The following XYLB variants were observed in gnomAD, a reference collection of about 807,000 sequenced individuals.
XYLB encodes xylulokinase, also known as xylulose kinase.
In XYLB, 62 loss-of-function variants were observed where a neutral mutation model predicts 78.7. That is an observed-to-expected ratio of 0.79 (90% CI 0.64 to 0.97). The LOEUF is 0.97. Among genes scored for constraint, XYLB ranks in the 50% least tolerant of loss-of-function variants. The probability of loss-of-function intolerance (pLI) is 0.00; values close to 1 mark genes in which losing one functional copy is unlikely to be tolerated. For synonymous variants in XYLB, 245 were observed against 247.4 expected (o/e 0.99, Z 0.09); for missense variants, 687 against 676.8 (o/e 1.02, Z -0.17).
downstream of XYLB, among the ~76,000 whole-genome samples, chr3:38,418,124 A>G (rs13098011): frequency 0.52 from 76,862 of 148,896 alleles, 20,952 homozygotes; most frequent in Non-Finnish European, 0.61. Flanking sequence ...GAACCTGGGA[A>G]GTGGAAGTTG....
chr3:38,389,804 C>T (rs915566927), intron 15 of XYLB, among the ~76,000 whole-genome samples: 1 of 152,190 alleles, frequency 6.6e-6, no homozygotes, highest in African/African-American at 2.4e-5. Flanking sequence ...CACATCACTG[C>T]TTCCATAGTA....
intron 15 of XYLB, among the ~76,000 whole-genome samples, chr3:38,380,902 A>G (rs1170362987): frequency 1.3e-5 from 2 of 152,244 alleles, no homozygotes; most frequent in African/African-American, 2.4e-5. Flanking sequence ...ATCTCACCAA[A>G]TGTAACACTG....
chr3:38,448,034 T>C, the XYLB span, among the ~76,000 whole-genome samples: 15 of 151,902 alleles, frequency 9.9e-5, no homozygotes, highest in Non-Finnish European at 1.9e-4. Context: ...CTGGGCAACA[T>C]AGTGAGACCT....
chr3:38,373,019 C>T (rs1706656783), intron 10 of XYLB, among the ~76,000 whole-genome samples: 1 of 152,146 alleles, frequency 6.6e-6, no homozygotes. Context: ...ATGAAAACTG[C>T]CCAATGATTA....
At chr3:38,411,231 G>A (rs1400228373) in intron 18 of XYLB, among the ~76,000 whole-genome samples, 1 of 152,136 alleles carries the variant, frequency 6.6e-6, no homozygotes, top group African/African-American at 2.4e-5. Context: ...TCCTTTGTAG[G>A]GACATGGATG....
At chr3:38,407,121 G>A (rs1267159814) in intron 18 of XYLB, among the ~76,000 whole-genome samples, 1 of 147,888 alleles carries the variant, frequency 6.8e-6, no homozygotes, top group African/African-American at 2.5e-5. Flanking sequence ...AAATGTTAAG[G>A]GCAGCCAGAG....
intron 14 of XYLB, 119 bp from the exon 15 acceptor site, chr3:38,379,127 C>T (rs1262252350): frequency 1.0e-6 from 1 of 968,374 alleles, no homozygotes; most frequent in Admixed American, 1.9e-5. Context: ...GTTAAAGAGC[C>T]CAGCTATGAG....
intron 15 of XYLB, among the ~76,000 whole-genome samples, chr3:38,390,403 G>A (rs1355394591): frequency 1.3e-5 from 2 of 151,950 alleles, no homozygotes; most frequent in Admixed American, 6.6e-5. Flanking sequence ...TAGTAGAGAC[G>A]GGGTTTCACC....
At chr3:38,417,117 T>C (rs1381214128), downstream of XYLB, among the ~76,000 whole-genome samples, 10 of 152,208 alleles carry the variant, frequency 6.6e-5, no homozygotes, top group Non-Finnish European at 1.5e-4. Context: ...GAATATATGT[T>C]GAACTTTCTA....
chr3:38,371,885 G>C (rs916157049), intron 9 of XYLB, among the ~76,000 whole-genome samples: 1 of 152,206 alleles, frequency 6.6e-6, no homozygotes, highest in Non-Finnish European at 1.5e-5. Context: ...GAAAGGCAGA[G>C]AAAGGGCAGA....
chr3:38,361,100 T>C (rs1705945084), intron 3 of XYLB, among the ~76,000 whole-genome samples: 1 of 152,194 alleles, frequency 6.6e-6, no homozygotes, highest in African/African-American at 2.4e-5. Context: ...GCCTCCAAGA[T>C]CCCTTAGCTC....
the XYLB span, among the ~76,000 whole-genome samples, chr3:38,434,775 C>T: frequency 6.6e-6 from 1 of 152,144 alleles, no homozygotes; most frequent in African/African-American, 2.4e-5. Flanking sequence ...ATGATAGGAA[C>T]AAAGCCTCAT....
intron 6 of XYLB, 102 bp from the exon 7 acceptor site, chr3:38,366,706 C>G (rs1706281306): frequency 1.3e-6 from 1 of 787,440 alleles, no homozygotes; most frequent in Non-Finnish European, 2.2e-6. Context: ...TTTTATGGTA[C>G]CTACTCCTAT....
the XYLB span, chr3:38,452,211 G>A: frequency 1.3e-5 from 2 of 152,128 alleles, no homozygotes; most frequent in Non-Finnish European, 2.9e-5. Flanking sequence ...TCAATCCTGT[G>A]TTAAATGGCT....
rs188341421 is a variant in XYLB at position 38,352,496 on chromosome 3, C to G, written c.140+3864C>G. Among the ~76,000 whole-genome samples, 383 of 152,228 alleles carry G rather than the reference C, an allele frequency of 2.5e-3. 2 individuals are homozygous for G. The highest frequency in any genetic ancestry group is 8.7e-3 in the African/African-American group (360 of 41,544). On this transcript the variant is annotated intron_variant, in intron 2 of 18. Transcript: ENST00000207870. ...GGAAAATCAGAATATTCATACCTTC[C>G]TATATTTCCATGTAAAAACACTGGA... is the stretch of plus-strand genomic sequence containing the variant.
intron 8 of XYLB, 32 bp from the exon 9 acceptor site, chr3:38,370,024 A>T (rs201103122): frequency 6.6e-5 from 105 of 1,587,264 alleles, no homozygotes; most frequent in Non-Finnish European, 9.0e-5. Flanking sequence ...CATTTTCAAG[A>T]TTGTCTGTTG....
At chr3:38,392,925 C>G (rs1707728789) in intron 15 of XYLB, among the ~76,000 whole-genome samples, 1 of 152,150 alleles carries the variant, frequency 6.6e-6, no homozygotes, top group Non-Finnish European at 1.5e-5. Context: ...TTATGTTTCT[C>G]CTGTTGATGT....
chr3:38,353,990 G>A (rs555363072), intron 2 of XYLB, among the ~76,000 whole-genome samples: 3 of 151,414 alleles, frequency 2.0e-5, no homozygotes, highest in East Asian at 3.9e-4. Flanking sequence ...TTGGGCTTTT[G>A]TTTTTGTTCC....
chr3:38,418,210 A>C (rs1297537873), downstream of XYLB, among the ~76,000 whole-genome samples: 2 of 136,222 alleles, frequency 1.5e-5, no homozygotes, highest in Non-Finnish European at 3.4e-5. Flanking sequence ...AAAAAAAAAA[A>C]AAAGATATAT....
Sources: gnomAD v4.1 joint callset for allele counts (sites outside exome capture counted in the v4.1 genomes callset) on GRCh38, gnomAD v4.1.1 for gene constraint, MANE v1.5 for transcripts, NCBI Gene and HGNC (gene_info 2026-07-23, HGNC 2026-07-21) for gene names.